The following GRB10 variants were observed in gnomAD, a reference collection of about 807,000 sequenced individuals.
GRB10 encodes the protein growth factor receptor bound protein 10.
A neutral mutation model predicts 80.9 loss-of-function variants in GRB10; 20 were observed. The observed-to-expected ratio is 0.25, with a 90% CI of 0.17 to 0.36. The LOEUF (loss-of-function observed/expected upper bound fraction) is 0.36, where lower values mean the gene tolerates loss of function less well. Among genes scored for constraint, GRB10 ranks in the 10% least tolerant of loss-of-function variants. The pLI, the probability that GRB10 is intolerant of heterozygous loss-of-function variation, is 1.00. For missense variants in GRB10, 548 were observed against 747.7 expected (o/e 0.73, Z 3.12); for synonymous variants, 291 against 291.5 (o/e 1.00, Z 0.02).
intron 5 of GRB10, among the ~76,000 whole-genome samples, chr7:50,678,477 C>G (rs1489091355): frequency 6.6e-6 from 1 of 152,132 alleles, no homozygotes; most frequent in East Asian, 1.9e-4. Context: ...TTTTAAATGC[C>G]ATACTTTAGA....
At chr7:50,707,721 C>T (rs2065238557) in intron 4 of GRB10, among the ~76,000 whole-genome samples, 1 of 152,196 alleles carries the variant, frequency 6.6e-6, no homozygotes, top group Non-Finnish European at 1.5e-5. Context: ...CCACGTATTT[C>T]AAAGGGTGGG....
intron 6 of GRB10, among the ~76,000 whole-genome samples, chr7:50,671,964 G>A (rs1342029676): frequency 6.6e-6 from 1 of 152,232 alleles, no homozygotes; most frequent in Non-Finnish European, 1.5e-5. Flanking sequence ...AGGGATGGTG[G>A]CAGGAACTGC....
chr7:50,667,042 CAAAAAAAAAA>C (rs777580027), intron 7 of GRB10, among the ~76,000 whole-genome samples: 29 of 108,124 alleles, frequency 2.7e-4, no homozygotes, highest in African/African-American at 1.1e-3. Context: ...GACTCTGTCT[CAAAAAAAAAA>C]AAAAAAAAAG....
intron 2 of GRB10, among the ~76,000 whole-genome samples, chr7:50,760,107 C>G (rs1292654484): frequency 2.0e-5 from 3 of 152,176 alleles, no homozygotes; most frequent in Non-Finnish European, 2.9e-5. Flanking sequence ...TACGGCCATG[C>G]AGACCAGAAG....
At chr7:50,642,618 G>C (rs148697431) in intron 7 of GRB10, among the ~76,000 whole-genome samples, 36 of 152,190 alleles carry the variant, frequency 2.4e-4, no homozygotes, top group Middle Eastern at 3.4e-3. Context: ...ACGCTCATTG[G>C]AGCATTTTGG....
intron 13 of GRB10, among the ~76,000 whole-genome samples, chr7:50,610,992 C>CT (rs11349157): frequency 1.1e-3 from 167 of 147,560 alleles, no homozygotes; most frequent in African/African-American, 3.0e-3. Context: ...TTTTCATTTC[C>CT]TTTTTTTTTT....
At chr7:50,669,992 A>C in intron 6 of GRB10, 129 bp from the exon 7 acceptor site, 3 of 1,172,004 alleles carry the variant, frequency 2.6e-6, no homozygotes, top group Non-Finnish European at 3.7e-6. Flanking sequence ...CCACGTTCAC[A>C]GTGGCATCCT....
At chr7:50,769,953 G>T (rs1562669559) in intron 2 of GRB10, among the ~76,000 whole-genome samples, 1 of 152,216 alleles carries the variant, frequency 6.6e-6, no homozygotes, top group Non-Finnish European at 1.5e-5. Context: ...GTGACCTGAG[G>T]ATAGAAACGG....
chr7:50,621,146 C>T (rs890996767), intron 8 of GRB10, among the ~76,000 whole-genome samples: 4 of 152,246 alleles, frequency 2.6e-5, no homozygotes, highest in South Asian at 2.1e-4. Flanking sequence ...GCCAAACCCA[C>T]GCAGGCGCCC....
At chr7:50,737,494 CTCTCTTCTTTA>C (rs1286203891) in intron 3 of GRB10, among the ~76,000 whole-genome samples, 1 of 152,224 alleles carries the variant, frequency 6.6e-6, no homozygotes, top group Non-Finnish European at 1.5e-5. Context: ...TCAATTAAAC[CTCTCTTCTTTA>C]TCTCTTCTTT....
At chr7:50,679,154 G>A (rs987696770) in intron 5 of GRB10, among the ~76,000 whole-genome samples, 7 of 152,094 alleles carry the variant, frequency 4.6e-5, no homozygotes, top group Admixed American at 4.6e-4. Flanking sequence ...TCCAAAACTG[G>A]GTATTAACTT....
intron 12 of GRB10, among the ~76,000 whole-genome samples, chr7:50,613,619 C>T (rs1330387465): frequency 6.6e-6 from 1 of 152,204 alleles, no homozygotes; most frequent in Non-Finnish European, 1.5e-5. Context: ...CTACCCTGCG[C>T]TCGGCTGGTG....
intron 8 of GRB10, among the ~76,000 whole-genome samples, chr7:50,620,216 T>C (rs2153583931): frequency 6.6e-6 from 1 of 152,186 alleles, no homozygotes; most frequent in Admixed American, 6.5e-5. Flanking sequence ...GATGAACAAA[T>C]GTACAGCAGG....
intron 4 of GRB10, among the ~76,000 whole-genome samples, chr7:50,719,117 A>G (rs556002864): frequency 4.3e-4 from 66 of 152,346 alleles, no homozygotes; most frequent in Middle Eastern, 3.4e-3. Context: ...CACACCATTT[A>G]CTTGTTATAA....
intron 5 of GRB10, among the ~76,000 whole-genome samples, chr7:50,693,405 A>C (rs912327602): frequency 6.6e-6 from 1 of 152,212 alleles, no homozygotes; most frequent in Non-Finnish European, 1.5e-5. Context: ...CACCAAATAC[A>C]TTGCTACAAA....
intron 4 of GRB10, among the ~76,000 whole-genome samples, chr7:50,716,653 C>T (rs768903519): frequency 6.6e-6 from 1 of 152,184 alleles, no homozygotes; most frequent in Non-Finnish European, 1.5e-5. Flanking sequence ...TCCAACCCTA[C>T]AGATGAAAAA....
At chr7:50,605,075 G>A in intron 15 of GRB10, 1 of 587,444 alleles carries the variant, frequency 1.7e-6, no homozygotes, top group Non-Finnish European at 3.0e-6. Flanking sequence ...TTCCATGAAA[G>A]CCCAGGGGAC....
At chr7:50,642,309 C>G (rs1258771825) in intron 7 of GRB10, among the ~76,000 whole-genome samples, 3 of 151,946 alleles carry the variant, frequency 2.0e-5, no homozygotes, top group Non-Finnish European at 2.9e-5. Context: ...CATGCACACA[C>G]ACACACATAC....
chr7:50,600,273 T>C (rs1741805959), intron 17 of GRB10, among the ~76,000 whole-genome samples: 1 of 152,188 alleles, frequency 6.6e-6, no homozygotes, highest in African/African-American at 2.4e-5. Context: ...GGCTTTTCTC[T>C]CCTCAGGCAT....
Sources: allele counts gnomAD v4.1 joint callset (sites outside exome capture counted in the v4.1 genomes callset), GRCh38; gene constraint gnomAD v4.1.1; transcripts MANE v1.5; gene names NCBI Gene and HGNC (gene_info 2026-07-23, HGNC 2026-07-21).